TMEM132D: variants seen among roughly 807,000 people sequenced by gnomAD.
The protein encoded by TMEM132D is mature OL transmembrane protein.
Under a neutral mutation model 62.3 loss-of-function variants are expected in TMEM132D, and 21 were observed. The observed-to-expected ratio is 0.34, with a 90% CI of 0.24 to 0.49. The LOEUF is 0.49. TMEM132D is among the 20% of genes least tolerant of loss of function. The pLI is 0.99. For missense variants in TMEM132D, 1,346 were observed against 1,402.8 expected, an observed-to-expected ratio of 0.96 and a Z score of 0.65; for synonymous variants, 621 against 575.6, an observed-to-expected ratio of 1.08 and a Z score of -1.13.
chr12:129,821,894 T>A (rs1311904100), intron 1 of TMEM132D, among the ~76,000 whole-genome samples: 1 of 151,936 alleles, frequency 6.6e-6, no homozygotes, highest in Non-Finnish European at 1.5e-5. Context: ...GGAGCAGGAG[T>A]GCTGCTCTTA....
chr12:129,794,394 A>G (rs1375233403), intron 1 of TMEM132D, among the ~76,000 whole-genome samples: 1 of 151,514 alleles, frequency 6.6e-6, no homozygotes, highest in African/African-American at 2.4e-5. Context: ...GAGCCACCAC[A>G]CCCAGCCTTT....
At chr12:129,200,387 C>A (rs1436517793) in intron 5 of TMEM132D, among the ~76,000 whole-genome samples, 1 of 152,214 alleles carries the variant, frequency 6.6e-6, no homozygotes, top group African/African-American at 2.4e-5. Flanking sequence ...GTATCATGCT[C>A]ATACATGGGG....
intron 3 of TMEM132D, among the ~76,000 whole-genome samples, chr12:129,457,507 G>T (rs1873513374): frequency 6.6e-6 from 1 of 150,422 alleles, no homozygotes; most frequent in African/African-American, 2.4e-5. Flanking sequence ...CGAGTTAATG[G>T]GTGCAGCACA....
At chr12:129,710,083 C>A (rs1881604503) in intron 1 of TMEM132D, among the ~76,000 whole-genome samples, 1 of 152,090 alleles carries the variant, frequency 6.6e-6, no homozygotes, top group Admixed American at 6.5e-5. Context: ...ATTCTCATTT[C>A]AGAGATAGCA....
intron 3 of TMEM132D, among the ~76,000 whole-genome samples, chr12:129,491,784 A>G (rs926779749): frequency 3.3e-5 from 5 of 152,176 alleles, no homozygotes; most frequent in African/African-American, 9.7e-5. Flanking sequence ...TCTACTAAAA[A>G]TACAAAAATT....
intron 4 of TMEM132D, among the ~76,000 whole-genome samples, chr12:129,268,245 G>A (rs1286247339): frequency 3.3e-5 from 5 of 152,100 alleles, no homozygotes; most frequent in Non-Finnish European, 5.9e-5. Context: ...GAGTGAACAG[G>A]CAACCTAGAG....
chr12:129,304,572 TC>T (rs1216995853), intron 4 of TMEM132D, among the ~76,000 whole-genome samples: 1 of 150,946 alleles, frequency 6.6e-6, no homozygotes, highest in Non-Finnish European at 1.5e-5. Flanking sequence ...GCCTGAACAA[TC>T]CCATATCCTC....
intron 1 of TMEM132D, among the ~76,000 whole-genome samples, chr12:129,760,079 A>C (rs1305443646): frequency 2.0e-5 from 3 of 151,786 alleles, no homozygotes; most frequent in African/African-American, 7.3e-5. Context: ...TAATTTTTTA[A>C]ATTTTATTGT....
intron 3 of TMEM132D, among the ~76,000 whole-genome samples, chr12:129,455,074 T>A (rs1294779581): frequency 1.3e-5 from 2 of 152,204 alleles, no homozygotes; most frequent in African/African-American, 4.8e-5. Flanking sequence ...GCTCAGAGTG[T>A]TCACCAATGA....
chr12:129,874,470 AATGCGTTC>A (rs906065623), intron 1 of TMEM132D, among the ~76,000 whole-genome samples: 1 of 151,948 alleles, frequency 6.6e-6, no homozygotes, highest in Admixed American at 6.6e-5. Context: ...TGAGGTGATG[AATGCGTTC>A]ATTAACTTGA....
chr12:129,902,622 C>T (rs1269523234), intron 1 of TMEM132D, among the ~76,000 whole-genome samples: 1 of 152,170 alleles, frequency 6.6e-6, no homozygotes, highest in East Asian at 1.9e-4. Context: ...GTAGCTGAAA[C>T]TCCACGTGCA....
At chr12:129,843,964 G>C (rs899354764) in intron 1 of TMEM132D, among the ~76,000 whole-genome samples, 7 of 152,020 alleles carry the variant, frequency 4.6e-5, no homozygotes, top group African/African-American at 1.7e-4. Flanking sequence ...AGTTGGGTGT[G>C]GTGGTGTGTG....
chr12:129,730,966 G>A (rs578066764), intron 1 of TMEM132D, among the ~76,000 whole-genome samples: 6 of 151,166 alleles, frequency 4.0e-5, no homozygotes, highest in Middle Eastern at 3.4e-3. Context: ...GATAGCCTAC[G>A]TGGGACCTCA....
At chr12:129,159,006 CA>C (rs1877323400) in intron 5 of TMEM132D, among the ~76,000 whole-genome samples, 1 of 152,168 alleles carries the variant, frequency 6.6e-6, no homozygotes, top group Non-Finnish European at 1.5e-5. Context: ...TGGGAGAAAC[CA>C]CCTCCATTAT....
intron 2 of TMEM132D, among the ~76,000 whole-genome samples, chr12:129,568,848 G>A (rs777138235): frequency 6.6e-6 from 1 of 152,066 alleles, no homozygotes. Flanking sequence ...TGGAATCACA[G>A]GTCAGGAAGC....
At chr12:129,708,662 A>C (rs1593129210) in intron 1 of TMEM132D, among the ~76,000 whole-genome samples, 2 of 114,716 alleles carry the variant, frequency 1.7e-5, no homozygotes, top group Non-Finnish European at 3.7e-5. Flanking sequence ...CACACAGTGC[A>C]CTCATTTAAC....
chr12:129,753,717 A>G (rs1050178595), intron 1 of TMEM132D, among the ~76,000 whole-genome samples: 4 of 152,126 alleles, frequency 2.6e-5, no homozygotes, highest in African/African-American at 9.7e-5. Context: ...AAAATGGTAC[A>G]TTTTTTGCGT....
At chr12:129,559,828 T>C (rs1214087654) in intron 2 of TMEM132D, among the ~76,000 whole-genome samples, 1 of 152,196 alleles carries the variant, frequency 6.6e-6, no homozygotes. Context: ...ATCACAAGCA[T>C]ACCCTTGCTT....
intron 3 of TMEM132D, among the ~76,000 whole-genome samples, chr12:129,453,983 A>G (rs1038882867): frequency 7.2e-5 from 11 of 152,214 alleles, no homozygotes; most frequent in African/African-American, 2.2e-4. Flanking sequence ...TCCAAAGACC[A>G]GTTGGAGTTA....
Sources: gnomAD v4.1 joint callset for allele counts (sites outside exome capture counted in the v4.1 genomes callset) on GRCh38, gnomAD v4.1.1 for gene constraint, MANE v1.5 for transcripts, NCBI Gene and HGNC (gene_info 2026-07-23, HGNC 2026-07-21) for gene names.